The following FGGY variants were observed in gnomAD, a reference collection of about 807,000 sequenced individuals.
FGGY encodes FGGY carbohydrate kinase domain containing, also known as FGGY carbohydrate kinase domain-containing protein.
In FGGY, 72 loss-of-function variants were observed where a neutral mutation model predicts 71.3. The ratio of observed to expected loss-of-function variants is 1.01; its 90% CI spans 0.84 to 1.23. The LOEUF is 1.23. FGGY is among the 50% of genes most tolerant of loss of function. The probability of loss-of-function intolerance (pLI) is 0.00; values close to 1 mark genes in which losing one functional copy is unlikely to be tolerated. For missense variants in FGGY, 668 were observed against 682.3 expected, an observed-to-expected ratio of 0.98 and a Z score of 0.23; for synonymous variants, 251 against 250.3, an observed-to-expected ratio of 1.00 and a Z score of -0.02.
In FGGY at chr1:59,378,843, T is replaced by C. The variant is rs781753994; in HGVS notation, c.554+6T>C. ...GCAACAGGTGTCACAGCACGGTATG[T>C]TAATTACAAGTTGGATTGTGTTTGC... On this transcript the variant is annotated splice_donor_region_variant and intron_variant, in intron 5 of 15. Transcript: ENST00000303721. The C allele has an allele frequency of 2.5e-6, 4 of 1,608,752 alleles. No individual in the cohort carries two copies. The highest frequency in any genetic ancestry group is 4.5e-5 in the East Asian group (2 of 44,860).
rs534173934 is a variant in FGGY at position 59,579,233 on chromosome 1, C to T, written c.903+25006C>T. Reference sequence around the variant, plus strand: ...TCTTTGGTCCCATTGTCTAATTGCTCTCCATCACCAGTTTCTAAATTTTGG... The same window carrying T: ...TCTTTGGTCCCATTGTCTAATTGCTTTCCATCACCAGTTTCTAAATTTTGG... On this transcript the variant is annotated intron_variant, in intron 8 of 15. Coordinates refer to ENST00000303721, the MANE Select transcript of FGGY (RefSeq NM_018291.5). Among the ~76,000 whole-genome samples, 3 of 152,220 alleles carry T rather than the reference C, an allele frequency of 2.0e-5. No individual in the cohort carries two copies. The South Asian group carries it at 6.2e-4, about 32-fold the overall frequency.
chr1:59,442,238 G>C (rs1300051980), intron 5 of FGGY, among the ~76,000 whole-genome samples: 2 of 152,098 alleles, frequency 1.3e-5, no homozygotes, highest in South Asian at 2.1e-4. Context: ...CTTGAGGCCA[G>C]ATAATATTTA....
chr1:59,569,855 A>G (rs1009416875), intron 8 of FGGY, among the ~76,000 whole-genome samples: 10 of 152,324 alleles, frequency 6.6e-5, no homozygotes, highest in African/African-American at 2.2e-4. Flanking sequence ...TCCCACAGCT[A>G]ATAAATGATA....
At chr1:59,416,406 T>G (rs1194861395) in intron 5 of FGGY, among the ~76,000 whole-genome samples, 2 of 152,048 alleles carry the variant, frequency 1.3e-5, no homozygotes, top group Non-Finnish European at 2.9e-5. Context: ...GAAAAAAAAG[T>G]TTGAGAGTGA....
At position 59,697,701 on chromosome 1, in the gene FGGY, T is replaced by A. The variant is rs768721974; in HGVS notation, c.1512+23568T>A. 5.4e-6 allele frequency: 7 copies of A among 1,303,268 alleles called. No individual in the cohort carries two copies. The South Asian group carries it at 8.7e-5, about 16-fold the overall frequency. 80.7% of individuals were successfully genotyped at this position (1,303,268 alleles called of 1,614,324 possible). On this transcript the variant is annotated intron_variant, in intron 14 of 15. Coordinates refer to ENST00000303721, the MANE Select transcript of FGGY (RefSeq NM_018291.5). Reference sequence around the variant, plus strand: ...CGATAGCAGCAATGGGAAGCAGTATTTGAGAAGAAATCAGACTCTCTTCTT... The same window carrying A: ...CGATAGCAGCAATGGGAAGCAGTATATGAGAAGAAATCAGACTCTCTTCTT...
intron 8 of FGGY, among the ~76,000 whole-genome samples, chr1:59,564,433 T>C (rs913228794): frequency 3.3e-5 from 5 of 152,226 alleles, no homozygotes; most frequent in Non-Finnish European, 7.3e-5. Flanking sequence ...ACTTTACAGC[T>C]TCCTCAGAAC....
At chr1:59,447,209 T>C (rs1369827647) in intron 5 of FGGY, among the ~76,000 whole-genome samples, 1 of 152,240 alleles carries the variant, frequency 6.6e-6, no homozygotes, top group Non-Finnish European at 1.5e-5. Context: ...TAGCTTTACT[T>C]ATATTAGCTT....
At chr1:59,696,970 C>T (rs1346392817) in intron 14 of FGGY, among the ~76,000 whole-genome samples, 2 of 136,152 alleles carry the variant, frequency 1.5e-5, no homozygotes, top group Non-Finnish European at 3.2e-5. Flanking sequence ...ATATGAAACA[C>T]GCAAATGTAA....
intron 14 of FGGY, among the ~76,000 whole-genome samples, chr1:59,740,260 A>C (rs1205215044): frequency 6.6e-6 from 1 of 152,158 alleles, no homozygotes; most frequent in Non-Finnish European, 1.5e-5. Context: ...CTTCAGCTCA[A>C]TTTCCCATTT....
At chr1:59,408,501 T>C (rs1426901977) in intron 5 of FGGY, among the ~76,000 whole-genome samples, 1 of 152,192 alleles carries the variant, frequency 6.6e-6, no homozygotes, top group Non-Finnish European at 1.5e-5. Flanking sequence ...CTATTCTTAT[T>C]CATACCTGAA....
chr1:59,674,833 A>G (rs990277436), intron 14 of FGGY, among the ~76,000 whole-genome samples: 10 of 152,210 alleles, frequency 6.6e-5, no homozygotes, highest in African/African-American at 1.7e-4. Context: ...CTAAAATAAT[A>G]CAAGGTAAAC....
At chr1:59,372,842 T>G (rs2057933241) in intron 4 of FGGY, among the ~76,000 whole-genome samples, 1 of 151,674 alleles carries the variant, frequency 6.6e-6, no homozygotes, top group South Asian at 2.1e-4. Context: ...AGAAAAGGCC[T>G]TTGACAAAAT....
At chr1:59,618,427 C>T (rs1370905999) in intron 9 of FGGY, among the ~76,000 whole-genome samples, 3 of 152,094 alleles carry the variant, frequency 2.0e-5, no homozygotes, top group Non-Finnish European at 4.4e-5. Flanking sequence ...AATGCAAACC[C>T]AAGCTGGCCA....
chr1:59,404,836 C>T (rs543040729), intron 5 of FGGY, among the ~76,000 whole-genome samples: 1 of 152,214 alleles, frequency 6.6e-6, no homozygotes, highest in South Asian at 2.1e-4. Context: ...CACCAATGTC[C>T]GTGTGTCTGG....
At chr1:59,488,717 T>G (rs1311319709) in intron 6 of FGGY, among the ~76,000 whole-genome samples, 1 of 151,874 alleles carries the variant, frequency 6.6e-6, no homozygotes, top group Non-Finnish European at 1.5e-5. Context: ...ACAACACTTT[T>G]CTTGTATCAT....
intron 9 of FGGY, among the ~76,000 whole-genome samples, chr1:59,614,346 A>G (rs2096725945): frequency 6.6e-6 from 1 of 152,264 alleles, no homozygotes; most frequent in Non-Finnish European, 1.5e-5. Context: ...GGTTCAACAT[A>G]TGCAAATCAA....
At chr1:59,546,520 G>GATT (rs1491427942) in intron 7 of FGGY, among the ~76,000 whole-genome samples, 26 of 82,990 alleles carry the variant, frequency 3.1e-4, no homozygotes, top group Middle Eastern at 9.6e-3. Flanking sequence ...TGATGATGAT[G>GATT]ATGATGATGA....
At chr1:59,475,594 C>T (rs929963590) in intron 6 of FGGY, among the ~76,000 whole-genome samples, 2 of 152,180 alleles carry the variant, frequency 1.3e-5, no homozygotes, top group Non-Finnish European at 2.9e-5. Context: ...TGTCACAATT[C>T]TCCCTGTCAT....
intron 6 of FGGY, among the ~76,000 whole-genome samples, chr1:59,484,352 T>C (rs746846199): frequency 1.3e-5 from 2 of 152,172 alleles, no homozygotes; most frequent in African/African-American, 4.8e-5. Flanking sequence ...CCTTATATCA[T>C]CTTTCTCCCT....
Sources: gnomAD v4.1 joint callset for allele counts (sites outside exome capture counted in the v4.1 genomes callset) on GRCh38, gnomAD v4.1.1 for gene constraint, MANE v1.5 for transcripts, NCBI Gene and HGNC (gene_info 2026-07-23, HGNC 2026-07-21) for gene names.